Variants in CHN1 observed in about 807,000 individuals in gnomAD.
CHN1 encodes N-chimaerin.
In CHN1, 37 loss-of-function variants were observed where a neutral mutation model predicts 59.5. The ratio of observed to expected loss-of-function variants is 0.62; its 90% CI spans 0.48 to 0.82. The LOEUF (loss-of-function observed/expected upper bound fraction) is 0.82. Ranked by LOEUF, CHN1 falls within the 40% of genes least tolerant of loss-of-function variation. CHN1 has a pLI of 0.00. For missense variants in CHN1, 469 were observed against 571.0 expected (o/e 0.82, Z 1.82); for synonymous variants, 206 against 200.4 (o/e 1.03, Z -0.24).
At chr2:174,946,432 C>T (rs1254505459) in intron 2 of CHN1, among the ~76,000 whole-genome samples, 1 of 152,132 alleles carries the variant, frequency 6.6e-6, no homozygotes, top group African/African-American at 2.4e-5. Context: ...CACAAAGCCA[C>T]TTCATCAGGA....
chr2:174,996,195 A>G (rs1305956689), intron 1 of CHN1, among the ~76,000 whole-genome samples: 2 of 152,176 alleles, frequency 1.3e-5, no homozygotes, highest in Non-Finnish European at 2.9e-5. Flanking sequence ...TATTGTTTAC[A>G]TTTTCAGAGA....
intron 7 of CHN1, among the ~76,000 whole-genome samples, chr2:174,836,490 A>AG (rs1686085684): frequency 6.6e-6 from 1 of 152,216 alleles, no homozygotes; most frequent in Non-Finnish European, 1.5e-5. Context: ...CCCTTTATAC[A>AG]GACTGAACTG....
chr2:174,833,955 C>T (rs1420249820), intron 7 of CHN1, among the ~76,000 whole-genome samples: 3 of 152,128 alleles, frequency 2.0e-5, no homozygotes, highest in East Asian at 3.9e-4. Flanking sequence ...CCACACCCAG[C>T]TAATTTTGTC....
chr2:174,947,640 C>A (rs1224006493), intron 2 of CHN1, among the ~76,000 whole-genome samples: 1 of 151,726 alleles, frequency 6.6e-6, no homozygotes, highest in Non-Finnish European at 1.5e-5. Context: ...CACACCACCA[C>A]GTCAAGCTAA....
At chr2:174,930,684 C>G (rs528462554) in intron 3 of CHN1, among the ~76,000 whole-genome samples, 1 of 152,142 alleles carries the variant, frequency 6.6e-6, no homozygotes, top group Admixed American at 6.5e-5. Flanking sequence ...GTGACTAAGC[C>G]CTGTTTCTGG....
chr2:174,985,761 G>C (rs1691318215), intron 1 of CHN1, among the ~76,000 whole-genome samples: 1 of 152,122 alleles, frequency 6.6e-6, no homozygotes, highest in Non-Finnish European at 1.5e-5. Context: ...AAGGAGTCTT[G>C]ACTAAAGCTT....
rs149418524 is a variant in CHN1 at position 174,869,389 on chromosome 2, A to T, written c.549+8451T>A. ...GATAATTAGATGATATGCTTATAATAAATAAAAAGAGGAAAAACAAAGAAA... is the reference window on the plus strand; with the variant it reads ...GATAATTAGATGATATGCTTATAATTAATAAAAAGAGGAAAAACAAAGAAA... On this transcript the variant is annotated intron_variant, in intron 6 of 12. Transcript: ENST00000409900. 2.3e-3 allele frequency among the ~76,000 whole-genome samples: 358 copies of T among 152,344 alleles called. 2 individuals carry two copies. The highest frequency in any genetic ancestry group is 8.3e-3 in the African/African-American group (344 of 41,580).
At chr2:174,900,625 G>T (rs190775644) in intron 5 of CHN1, among the ~76,000 whole-genome samples, 290 of 152,250 alleles carry the variant, frequency 1.9e-3, no homozygotes, top group African/African-American at 6.6e-3. Flanking sequence ...GGCCAACATG[G>T]TGAAACTGCG....
At chr2:174,876,776 A>G (rs906873222) in intron 6 of CHN1, among the ~76,000 whole-genome samples, 3 of 152,174 alleles carry the variant, frequency 2.0e-5, no homozygotes, top group African/African-American at 7.2e-5. Flanking sequence ...CTGCTATATA[A>G]TAACATTACC....
In CHN1 at chr2:174,914,626, C is replaced by T. The variant is rs144186998; in HGVS notation, c.260+432G>A. On this transcript the variant is annotated intron_variant, in intron 5 of 12. Transcript: ENST00000409900. ...CTTTGGGAGGCCAAAGTGGGTGACA[C>T]GAAGTCAAGAGATCGAGACCATCCT... Among the ~76,000 whole-genome samples, 90 of 152,062 alleles carry T rather than the reference C, an allele frequency of 5.9e-4. 2 individuals carry two copies. The East Asian group carries it at 0.016, about 27-fold the overall frequency.
intron 5 of CHN1, among the ~76,000 whole-genome samples, chr2:174,893,734 AACAAAGCT>A (rs546176617): frequency 1.3e-5 from 2 of 152,314 alleles, no homozygotes; most frequent in South Asian, 2.1e-4. Flanking sequence ...CAAAGCATAT[AACAAAGCT>A]ACAAAGCTAC....
chr2:174,819,015 GT>G (rs147698698), intron 8 of CHN1, among the ~76,000 whole-genome samples: 2,156 of 151,814 alleles, frequency 0.014, 44 homozygotes, highest in African/African-American at 0.049. Context: ...AACATATCTC[GT>G]TTTTTTTCCC....
intron 3 of CHN1, among the ~76,000 whole-genome samples, chr2:174,920,601 G>C (rs569844103): frequency 1.3e-5 from 2 of 152,250 alleles, no homozygotes; most frequent in South Asian, 4.1e-4. Flanking sequence ...CATACAGCTT[G>C]AGTGCCAATA....
intron 1 of CHN1, among the ~76,000 whole-genome samples, chr2:174,998,762 A>G (rs1691792752): frequency 6.6e-6 from 1 of 152,210 alleles, no homozygotes; most frequent in Non-Finnish European, 1.5e-5. Context: ...ATCAATTTTT[A>G]ATTTTATTTT....
chr2:174,947,542 T>C (rs926609817), intron 2 of CHN1, among the ~76,000 whole-genome samples: 3 of 150,998 alleles, frequency 2.0e-5, no homozygotes, highest in African/African-American at 7.3e-5. Flanking sequence ...TGGAGTGCAG[T>C]GGCACACACA....
At chr2:174,961,360 T>C (rs1690400919) in intron 1 of CHN1, among the ~76,000 whole-genome samples, 1 of 152,034 alleles carries the variant, frequency 6.6e-6, no homozygotes, top group Non-Finnish European at 1.5e-5. Flanking sequence ...GCCGATCACC[T>C]GAGGGTGGAT....
intron 11 of CHN1, among the ~76,000 whole-genome samples, chr2:174,805,399 A>G (rs1254007842): frequency 6.6e-6 from 1 of 152,258 alleles, no homozygotes; most frequent in Non-Finnish European, 1.5e-5. Flanking sequence ...TATTCAACAA[A>G]TATTTATTAT....
intron 5 of CHN1, among the ~76,000 whole-genome samples, chr2:174,900,057 A>C (rs1688340571): frequency 6.6e-6 from 1 of 152,232 alleles, no homozygotes; most frequent in African/African-American, 2.4e-5. Flanking sequence ...ATTCTACTTT[A>C]CTTCTGTGTA....
intron 6 of CHN1, among the ~76,000 whole-genome samples, chr2:174,871,218 T>C (rs922847136): frequency 7.1e-5 from 6 of 84,346 alleles, no homozygotes; most frequent in African/African-American, 1.5e-4. Flanking sequence ...GAGGAGCATC[T>C]AGCCACCACC....
Sources: allele counts gnomAD v4.1 joint callset (sites outside exome capture counted in the v4.1 genomes callset), GRCh38; gene constraint gnomAD v4.1.1; transcripts MANE v1.5; gene names NCBI Gene and HGNC (gene_info 2026-07-23, HGNC 2026-07-21).